The following MACROD2 variants were observed in gnomAD, a reference collection of about 807,000 sequenced individuals.
MACROD2 encodes the protein ADP-ribose glycohydrolase MACROD2.
MACROD2 carries 36 observed loss-of-function variants against 70.4 expected under a neutral mutation model. That is an observed-to-expected ratio of 0.51 (90% CI 0.39 to 0.68). MACROD2 has a LOEUF of 0.68. Ranked by LOEUF, MACROD2 falls within the 30% of genes least tolerant of loss-of-function variation. The probability of loss-of-function intolerance (pLI) is 0.00; values close to 1 mark genes in which losing one functional copy is unlikely to be tolerated. For missense variants in MACROD2, 496 were observed against 538.4 expected (o/e 0.92, Z 0.78); for synonymous variants, 172 against 178.8 (o/e 0.96, Z 0.30).
chr20:15,823,264 G>T (rs2063958871), intron 8 of MACROD2, among the ~76,000 whole-genome samples: 1 of 148,112 alleles, frequency 6.8e-6, no homozygotes, highest in Non-Finnish European at 1.5e-5. Flanking sequence ...GATAGCAGCA[G>T]GTGAGCTCTT....
At chr20:14,169,733 T>A (rs1163524050) in intron 3 of MACROD2, among the ~76,000 whole-genome samples, 1 of 152,208 alleles carries the variant, frequency 6.6e-6, no homozygotes, top group African/African-American at 2.4e-5. Flanking sequence ...ATTTTTGTTA[T>A]TCATTTTACT....
intron 3 of MACROD2, among the ~76,000 whole-genome samples, chr20:14,417,843 T>C (rs2083828166): frequency 6.6e-6 from 1 of 152,198 alleles, no homozygotes; most frequent in African/African-American, 2.4e-5. Context: ...GAAAAGGATT[T>C]TAGGCTGTTA....
chr20:15,926,978 T>C (rs981586908), intron 10 of MACROD2, among the ~76,000 whole-genome samples: 2 of 152,136 alleles, frequency 1.3e-5, no homozygotes, highest in Non-Finnish European at 2.9e-5. Flanking sequence ...CAGGAAGCCA[T>C]TGCCACCACC....
intron 3 of MACROD2, among the ~76,000 whole-genome samples, chr20:14,358,967 G>A (rs557437493): frequency 2.0e-5 from 3 of 151,968 alleles, no homozygotes; most frequent in Admixed American, 6.6e-5. Context: ...AGGGAGGATC[G>A]CTTGAGCCCA....
At chr20:15,815,052 G>A (rs957484780) in intron 8 of MACROD2, among the ~76,000 whole-genome samples, 3 of 152,166 alleles carry the variant, frequency 2.0e-5, no homozygotes, top group Non-Finnish European at 2.9e-5. Context: ...ATCCATCTTA[G>A]CATCTGGGAA....
At chr20:16,017,907 T>G (rs1039367633) in intron 15 of MACROD2, among the ~76,000 whole-genome samples, 1 of 152,158 alleles carries the variant, frequency 6.6e-6, no homozygotes, top group Non-Finnish European at 1.5e-5. Context: ...AATGATATAT[T>G]TGTGAGTCTG....
intron 5 of MACROD2, among the ~76,000 whole-genome samples, chr20:15,126,532 A>G (rs1269824689): frequency 6.6e-6 from 1 of 152,126 alleles, no homozygotes; most frequent in Admixed American, 6.6e-5. Context: ...AGCTTACAGT[A>G]GTTCACTCAA....
intron 3 of MACROD2, among the ~76,000 whole-genome samples, chr20:14,212,833 T>C (rs2081581518): frequency 6.6e-6 from 1 of 151,700 alleles, no homozygotes; most frequent in Admixed American, 6.6e-5. Flanking sequence ...TTTGTGAACA[T>C]AGCCACTCAA....
rs146160002 is a variant in MACROD2 at position 14,281,232 on chromosome 20, A to C, written c.271+195504A>C. ...TGCAATATATCCATACAATGGAATTATTTGCCCATAAAAATGAATGAAGTA... is the reference window on the plus strand; with the variant it reads ...TGCAATATATCCATACAATGGAATTCTTTGCCCATAAAAATGAATGAAGTA... On this transcript the variant is annotated intron_variant, in intron 3 of 17. Coordinates refer to ENST00000684519, the MANE Select transcript of MACROD2 (RefSeq NM_001351661.2). Among the ~76,000 whole-genome samples, 383 of 152,326 alleles carry C rather than the reference A, an allele frequency of 2.5e-3. 1 individual carries two copies. The highest frequency in any genetic ancestry group is 8.3e-3 in the African/African-American group (344 of 41,580).
At chr20:15,716,911 C>T (rs765265430) in intron 8 of MACROD2, among the ~76,000 whole-genome samples, 33 of 152,022 alleles carry the variant, frequency 2.2e-4, no homozygotes, top group Admixed American at 5.2e-4. Context: ...TCTCTGTTGG[C>T]GACAATGTTA....
At chr20:16,003,082 C>CACACACA (rs2066735446) in intron 15 of MACROD2, among the ~76,000 whole-genome samples, 1 of 53,038 alleles carries the variant, frequency 1.9e-5, no homozygotes, top group Admixed American at 2.1e-4. Context: ...ACCCACCCAC[C>CACACACA]CACACACACA....
At chr20:14,670,532 A>G (rs1191079547) in intron 4 of MACROD2, among the ~76,000 whole-genome samples, 1 of 152,160 alleles carries the variant, frequency 6.6e-6, no homozygotes, top group Non-Finnish European at 1.5e-5. Context: ...AGAATTTCCC[A>G]GTAATTTAAC....
At chr20:14,088,255 G>A (rs565073858) in intron 3 of MACROD2, among the ~76,000 whole-genome samples, 14 of 151,232 alleles carry the variant, frequency 9.3e-5, no homozygotes, top group Admixed American at 4.6e-4. Flanking sequence ...GCTTGAACCC[G>A]GGAGGCAGAG....
intron 5 of MACROD2, among the ~76,000 whole-genome samples, chr20:14,948,444 G>A (rs912033310): frequency 3.9e-5 from 6 of 152,160 alleles, no homozygotes; most frequent in Non-Finnish European, 5.9e-5. Context: ...TACTGATTGT[G>A]ACAGACCACT....
chr20:15,401,259 C>T (rs1199547757), intron 6 of MACROD2, among the ~76,000 whole-genome samples: 5 of 152,212 alleles, frequency 3.3e-5, no homozygotes, highest in Middle Eastern at 6.8e-3. Flanking sequence ...AGGATGGTCT[C>T]GATCTCCTGA....
At chr20:14,534,700 C>T (rs547977791) in intron 4 of MACROD2, among the ~76,000 whole-genome samples, 22 of 151,884 alleles carry the variant, frequency 1.4e-4, no homozygotes, top group Non-Finnish European at 2.7e-4. Flanking sequence ...AGGGGCTTAA[C>T]ATTAATTGAT....
At chr20:14,577,823 A>AGAAGAGAAGAGAAGAGAAGG (rs1980711624) in intron 4 of MACROD2, among the ~76,000 whole-genome samples, 2 of 151,962 alleles carry the variant, frequency 1.3e-5, no homozygotes, top group African/African-American at 2.4e-5. Context: ...AGAAGAGAAG[A>AGAAGAGAAGAGAAGAGAAGG]GAAGAGAAGA....
At chr20:14,800,995 T>C (rs2072568680) in intron 5 of MACROD2, among the ~76,000 whole-genome samples, 1 of 152,176 alleles carries the variant, frequency 6.6e-6, no homozygotes, top group African/African-American at 2.4e-5. Flanking sequence ...ACAACACACA[T>C]GTGAGTTTTC....
chr20:14,974,564 C>T (rs1475530), intron 5 of MACROD2, among the ~76,000 whole-genome samples: 2,239 of 152,064 alleles, frequency 0.015, 37 homozygotes, highest in Admixed American at 0.038. Context: ...TTTTGCTATA[C>T]GTGAATTGAC....
Sources: allele counts gnomAD v4.1 joint callset (sites outside exome capture counted in the v4.1 genomes callset), GRCh38; gene constraint gnomAD v4.1.1; transcripts MANE v1.5; gene names NCBI Gene and HGNC (gene_info 2026-07-23, HGNC 2026-07-21).